The following LRRC4C variants were observed in gnomAD, a reference collection of about 807,000 sequenced individuals.
LRRC4C encodes leucine rich repeat containing 4C.
LRRC4C carries 5 observed loss-of-function variants against 33.6 expected under a neutral mutation model. The observed-to-expected ratio is 0.15, with a 90% CI of 0.08 to 0.31. The LOEUF is 0.31. Among genes scored for constraint, LRRC4C ranks in the 10% least tolerant of loss-of-function variants. The pLI is 1.00. For missense variants in LRRC4C, 560 were observed against 796.7 expected, an observed-to-expected ratio of 0.70 and a Z score of 3.58; for synonymous variants, 329 against 302.0, an observed-to-expected ratio of 1.09 and a Z score of -0.93.
At chr11:40,434,428 T>A (rs986969147) in intron 3 of LRRC4C, among the ~76,000 whole-genome samples, 3 of 152,174 alleles carry the variant, frequency 2.0e-5, no homozygotes, top group Admixed American at 2.0e-4. Context: ...AATAGCCAAA[T>A]CCAGGGCATC....
At chr11:40,454,307 C>T (rs1193742495) in intron 3 of LRRC4C, among the ~76,000 whole-genome samples, 1 of 151,982 alleles carries the variant, frequency 6.6e-6, no homozygotes, top group Non-Finnish European at 1.5e-5. Flanking sequence ...AATCTTCTCA[C>T]TCTCACTCAC....
chr11:40,616,816 C>T (rs978418541), intron 3 of LRRC4C, among the ~76,000 whole-genome samples: 7 of 150,786 alleles, frequency 4.6e-5, no homozygotes, highest in Admixed American at 2.0e-4. Flanking sequence ...TGTTAAATGA[C>T]GAGTTAATGG....
chr11:41,293,920 A>G (rs1486613598), intron 1 of LRRC4C, among the ~76,000 whole-genome samples: 1 of 152,146 alleles, frequency 6.6e-6, no homozygotes, highest in African/African-American at 2.4e-5. Context: ...ACAGCAATAT[A>G]TGCATGCTGA....
intron 1 of LRRC4C, among the ~76,000 whole-genome samples, chr11:41,279,402 A>ACG (rs1210366171): frequency 4.1e-5 from 6 of 145,788 alleles, no homozygotes; most frequent in African/African-American, 1.3e-4. Flanking sequence ...ACACACACAC[A>ACG]CACACACACA....
At chr11:40,302,509 G>A (rs1308439085) in intron 4 of LRRC4C, among the ~76,000 whole-genome samples, 3 of 152,030 alleles carry the variant, frequency 2.0e-5, no homozygotes, top group Non-Finnish European at 4.4e-5. Flanking sequence ...AAGTTTCTTT[G>A]AAGAGGCCCA....
chr11:40,164,430 A>T (rs1273609412), intron 5 of LRRC4C, among the ~76,000 whole-genome samples: 1 of 152,072 alleles, frequency 6.6e-6, no homozygotes, highest in Non-Finnish European at 1.5e-5. Flanking sequence ...TTTAGTAGAG[A>T]TGGGGCTTCA....
chr11:41,074,101 C>T (rs961847965), intron 1 of LRRC4C, among the ~76,000 whole-genome samples: 34 of 151,998 alleles, frequency 2.2e-4, no homozygotes, highest in Admixed American at 3.9e-4. Flanking sequence ...TAATAATCAT[C>T]GATAACAAAT....
chr11:41,043,285 C>A (rs1590336603), intron 1 of LRRC4C, among the ~76,000 whole-genome samples: 1 of 151,976 alleles, frequency 6.6e-6, no homozygotes, highest in Non-Finnish European at 1.5e-5. Context: ...TTTATGGCTG[C>A]AGACCACAAC....
At chr11:40,445,815 C>G (rs1951608376) in intron 3 of LRRC4C, 1 of 152,192 alleles carries the variant, frequency 6.6e-6, no homozygotes, top group Non-Finnish European at 1.5e-5. Flanking sequence ...AAAAGCTTTT[C>G]CATATTCACT....
intron 2 of LRRC4C, among the ~76,000 whole-genome samples, chr11:40,889,756 C>T (rs916904848): frequency 1.3e-5 from 2 of 152,038 alleles, no homozygotes; most frequent in Non-Finnish European, 2.9e-5. Context: ...TTGATATCGT[C>T]ACATTCTGTT....
chr11:40,122,707 G>A (rs1283945065), intron 6 of LRRC4C, among the ~76,000 whole-genome samples: 4 of 151,618 alleles, frequency 2.6e-5, no homozygotes, highest in Non-Finnish European at 4.4e-5. Flanking sequence ...CAATACACAA[G>A]GTGTAATACT....
Position 40,283,693 on chromosome 11 carries a change from CTTTTTTTTTTTTTTTT to C in LRRC4C, c.-176+35919_-176+35934del, listed in dbSNP as rs5791366. On this transcript the variant is annotated intron_variant, in intron 4 of 6. Transcript: ENST00000528697. Reference sequence around the variant, plus strand: ...AGAAGAATAAGATGAGGTCCATATTCTTTTTTTTTTTTTTTTTTTTTTTTTTTTGAGACGGAGTTTC... The same window carrying C: ...AGAAGAATAAGATGAGGTCCATATTCTTTTTTTTTTTTGAGACGGAGTTTC... Among the ~76,000 whole-genome samples, 3 of 59,262 alleles carry C rather than the reference CTTTTTTTTTTTTTTTT, an allele frequency of 5.1e-5. No individual in the cohort carries two copies. The South Asian group carries it at 3.4e-3, about 68-fold the overall frequency. 38.9% of individuals were successfully genotyped at this position (59,262 alleles called of 152,430 possible).
chr11:40,672,234 T>C (rs1473124307), intron 2 of LRRC4C, among the ~76,000 whole-genome samples: 1 of 152,172 alleles, frequency 6.6e-6, no homozygotes, highest in Non-Finnish European at 1.5e-5. Context: ...CACTGTGTCC[T>C]CTCATGGTGG....
At chr11:40,230,006 G>A (rs773772826) in intron 5 of LRRC4C, among the ~76,000 whole-genome samples, 6 of 152,104 alleles carry the variant, frequency 3.9e-5, no homozygotes, top group South Asian at 2.1e-4. Context: ...ATACTTCTCC[G>A]TGAACATAAA....
intron 1 of LRRC4C, among the ~76,000 whole-genome samples, chr11:41,434,443 C>T (rs900426310): frequency 6.6e-6 from 1 of 152,000 alleles, no homozygotes; most frequent in African/African-American, 2.4e-5. Context: ...AATCTTTGGT[C>T]AAGTCACTTT....
chr11:40,524,860 A>G (rs1213050062), intron 3 of LRRC4C, among the ~76,000 whole-genome samples: 3 of 152,206 alleles, frequency 2.0e-5, no homozygotes, highest in Admixed American at 1.3e-4. Context: ...AATAATTGCA[A>G]AGACAATCAT....
chr11:40,317,883 C>A (rs1178761871), intron 4 of LRRC4C, among the ~76,000 whole-genome samples: 1 of 152,114 alleles, frequency 6.6e-6, no homozygotes, highest in African/African-American at 2.4e-5. Context: ...ATATTCTCTG[C>A]AGCAGCAGCA....
At chr11:40,431,128 A>G (rs935856860) in intron 3 of LRRC4C, among the ~76,000 whole-genome samples, 28 of 147,688 alleles carry the variant, frequency 1.9e-4, no homozygotes, top group Non-Finnish European at 8.9e-5. Flanking sequence ...AATTAAGCAC[A>G]TTGTACTTTA....
intron 2 of LRRC4C, among the ~76,000 whole-genome samples, chr11:40,718,489 G>A (rs1946843205): frequency 6.6e-6 from 1 of 152,046 alleles, no homozygotes; most frequent in Admixed American, 6.5e-5. Flanking sequence ...GACCAGCTGA[G>A]GCGCTAAAGG....
Sources: allele counts gnomAD v4.1 joint callset (sites outside exome capture counted in the v4.1 genomes callset), GRCh38; gene constraint gnomAD v4.1.1; transcripts MANE v1.5; gene names NCBI Gene and HGNC (gene_info 2026-07-23, HGNC 2026-07-21).